The following HSPG2 variants were observed in gnomAD, a reference collection of about 807,000 sequenced individuals.
HSPG2 encodes the protein heparan sulfate proteoglycan 2.
HSPG2 carries 278 observed loss-of-function variants against 526.6 expected under a neutral mutation model. The ratio of observed to expected loss-of-function variants is 0.53; its 90% CI spans 0.48 to 0.58. The LOEUF is 0.58. HSPG2 is among the 20% of genes least tolerant of loss of function. The probability of loss-of-function intolerance (pLI) is 0.00; values close to 1 mark genes in which losing one functional copy is unlikely to be tolerated. For synonymous variants in HSPG2, 2,465 were observed against 2,555.4 expected (o/e 0.96, Z 1.07); for missense variants, 5,354 against 6,099.5 (o/e 0.88, Z 4.07).
chr1:21,870,456 A>T, intron 33 of HSPG2: 1 of 228,704 alleles, frequency 4.4e-6, no homozygotes, highest in Non-Finnish European at 7.2e-6. Flanking sequence ...CCCCCTCTCC[A>T]GGCTGGCACC....
At position 21,853,161 on chromosome 1, in the gene HSPG2, A is replaced by G. The variant is rs1639049384; in HGVS notation, c.6440-91T>C. 3 of 1,564,812 alleles carry G rather than the reference A, an allele frequency of 1.9e-6. No individual in the cohort carries two copies. In the South Asian group the frequency reaches 3.4e-5, roughly 18 times the overall value. ...AGGCTCTGGGCTGTGACCAGGCCCT[A>G]GTGGGGACGGCCGACAGGTGGCCTT... is the stretch of plus-strand genomic sequence containing the variant. On this transcript the variant is annotated intron_variant, in intron 50 of 96. Transcript: ENST00000374695.
intron 55 of HSPG2, among the ~76,000 whole-genome samples, chr1:21,850,878 T>C (rs1230232389): frequency 1.3e-5 from 2 of 152,250 alleles, no homozygotes. Flanking sequence ...GCTAATGGCA[T>C]TATAGTAAAA....
At chr1:21,863,639 C>T (rs912021961) in intron 37 of HSPG2, among the ~76,000 whole-genome samples, 3 of 149,596 alleles carry the variant, frequency 2.0e-5, no homozygotes, top group African/African-American at 4.9e-5. Context: ...CCCAGCTACT[C>T]GGGAGGCTGA....
chr1:21,825,561 T>G (rs2097970014), intron 91 of HSPG2, among the ~76,000 whole-genome samples: 1 of 152,164 alleles, frequency 6.6e-6, no homozygotes, highest in Admixed American at 6.5e-5. Flanking sequence ...TATCTGCTCA[T>G]GACCCATCCC....
At chr1:21,875,576 G>T in intron 25 of HSPG2, 53 bp downstream of exon 25, 1 of 1,381,648 alleles carries the variant, frequency 7.2e-7, no homozygotes, top group South Asian at 1.2e-5. Flanking sequence ...GCACCGCTTA[G>T]ATGGAGCCCC....
rs752255785 is a variant in HSPG2, at chr1:21,916,533, A to G, written c.64-20223T>C. ...AAAAATAAAAATAAATAAATAAATA[A>G]CACAAAAAAAATTGCCAGTGTGGTG... On this transcript the variant is annotated intron_variant, in intron 1 of 96. Coordinates refer to ENST00000374695, the MANE Select transcript of HSPG2 (RefSeq NM_005529.7). Among the ~76,000 whole-genome samples the G allele has an allele frequency of 3.0e-4, 46 of 151,608 alleles. 1 individual carries two copies. The highest frequency in any genetic ancestry group is 6.2e-4 in the Non-Finnish European group (42 of 67,850).
At chr1:21,832,878 A>G in intron 80 of HSPG2, 1 of 578,024 alleles carries the variant, frequency 1.7e-6, no homozygotes, top group East Asian at 2.9e-5. Context: ...GACTCACCCG[A>G]GTAGAGAAGG....
At chr1:21,853,741 T>A in intron 50 of HSPG2, 1 of 166,132 alleles carries the variant, frequency 6.0e-6, no homozygotes, top group East Asian at 1.8e-4. Flanking sequence ...AGAGCGAGAC[T>A]CTCTCTCAAA....
chr1:21,915,779 G>C (rs527893292), intron 1 of HSPG2, among the ~76,000 whole-genome samples: 1 of 152,348 alleles, frequency 6.6e-6, no homozygotes, highest in Non-Finnish European at 1.5e-5. Context: ...GCCGGGCATG[G>C]TGGCTCACGC....
At position 21,871,450 on chromosome 1, in the gene HSPG2, C is replaced by T. The variant is rs376043631; in HGVS notation, c.4221+736G>A. Among the ~76,000 whole-genome samples, 14 of 151,958 alleles carry T rather than the reference C, an allele frequency of 9.2e-5. No individual in the cohort carries two copies. The East Asian group carries it at 1.2e-3, about 13-fold the overall frequency. On this transcript the variant is annotated intron_variant, in intron 33 of 96. Coordinates refer to ENST00000374695, the MANE Select transcript of HSPG2 (RefSeq NM_005529.7). ...TAATTTTTTGTACTTTTTGTAGAGACGGGGTTTCGTCACATTGCCCAGGCT... is the reference window on the plus strand; with the variant it reads ...TAATTTTTTGTACTTTTTGTAGAGATGGGGTTTCGTCACATTGCCCAGGCT...
chr1:21,830,690 CAAA>C (rs145627267), intron 85 of HSPG2: 1,624 of 109,270 alleles, frequency 0.015, no homozygotes, highest in South Asian at 0.033. Context: ...AACTTCGTCT[CAAA>C]AAAAAAAAAA....
intron 9 of HSPG2, among the ~76,000 whole-genome samples, chr1:21,885,733 C>T (rs1344437207): frequency 6.6e-6 from 1 of 152,198 alleles, no homozygotes; most frequent in African/African-American, 2.4e-5. Flanking sequence ...CACCCAGCCA[C>T]GCTCAGAGGC....
Position 21,824,139 on chromosome 1 carries a change from T to C in HSPG2, c.12881A>G (p.His4294Arg), listed in dbSNP as rs2097961169. The C allele has an allele frequency of 1.2e-6, 2 of 1,613,278 alleles. No individual in the cohort carries two copies. Residue 4294 changes from histidine to arginine, a missense_variant, in exon 95 of 97, where the codon CAC becomes CGC. Physicochemically the swap from His to Arg is conservative, Grantham distance 29. Transcript: ENST00000374695. The surrounding 1 kb of genome is among the most constrained non-coding windows in gnomAD (Gnocchi z 5.9). ...SEDPINDGEWHRVTALREGRR... is the reference protein window; with the variant it reads ...SEDPINDGEWRRVTALREGRR... ...CCCTTACCGCAGTGCTGTCACCCGG[T>C]GCCACTCGCCGTCATTGATGGGGTC...
intron 1 of HSPG2, among the ~76,000 whole-genome samples, chr1:21,933,272 G>A (rs1057133069): frequency 6.6e-6 from 1 of 152,064 alleles, no homozygotes; most frequent in Non-Finnish European, 1.5e-5. Context: ...AGCTGGAGGA[G>A]TTTGAGAGGA....
intron 69 of HSPG2, 55 bp from the exon 70 acceptor site, chr1:21,841,728 C>T: frequency 1.2e-6 from 2 of 1,606,656 alleles, no homozygotes; most frequent in Non-Finnish European, 1.7e-6. Flanking sequence ...CTTCTCGTGT[C>T]TTGGTGCTGC....
chr1:21,843,239 G>A, intron 66 of HSPG2, 58 bp downstream of exon 66: 1 of 1,608,880 alleles, frequency 6.2e-7, no homozygotes, highest in East Asian at 2.2e-5. Flanking sequence ...GAGGAGCAGA[G>A]CTGGGAAGGA....
At chr1:21,918,563 T>C (rs1643945207) in intron 1 of HSPG2, among the ~76,000 whole-genome samples, 2 of 152,096 alleles carry the variant, frequency 1.3e-5, no homozygotes, top group Non-Finnish European at 2.9e-5. Context: ...ATGTGCCATA[T>C]ACTTGACAAA....
intron 44 of HSPG2, 89 bp downstream of exon 44, chr1:21,856,926 G>A: frequency 7.3e-7 from 1 of 1,375,758 alleles, no homozygotes; most frequent in Non-Finnish European, 1.0e-6. Context: ...GCTCAGAAAT[G>A]ATCAGCAGAA....
chr1:21,878,972 C>G (rs755829341), intron 18 of HSPG2, 22 bp downstream of exon 18: 6 of 1,591,454 alleles, frequency 3.8e-6, no homozygotes, highest in Non-Finnish European at 4.3e-6. Flanking sequence ...CAAACCCCCC[C>G]TGACCCGGAG....
Sources: allele counts gnomAD v4.1 joint callset (sites outside exome capture counted in the v4.1 genomes callset), GRCh38; gene constraint gnomAD v4.1.1; non-coding constraint Gnocchi (gnomAD v3.1); transcripts MANE v1.5; gene names NCBI Gene and HGNC (gene_info 2026-07-23, HGNC 2026-07-21).